NREP: variants seen among roughly 807,000 people sequenced by gnomAD.
NREP encodes the protein neuronal regeneration-related protein.
Under a neutral mutation model 8.6 loss-of-function variants are expected in NREP, and 5 were observed. The observed-to-expected ratio is 0.58, with a 90% CI of 0.30 to 1.22. The LOEUF is 1.22. Ranked by LOEUF, NREP falls within the 50% of genes most tolerant of loss-of-function variation. NREP has a pLI of 0.07. For missense variants in NREP, 86 were observed against 82.5 expected, an observed-to-expected ratio of 1.04 and a Z score of -0.17; for synonymous variants, 27 against 28.0, an observed-to-expected ratio of 0.96 and a Z score of 0.11.
exon 2 of NREP, chr5:111,975,364 A>G: frequency 6.4e-7 from 1 of 1,551,608 alleles, no homozygotes; most frequent in Non-Finnish European, 8.7e-7. Flanking sequence ...TTCGTGTTTC[A>G]TCTTCTCTTC....
intron 2 of NREP, among the ~76,000 whole-genome samples, chr5:111,811,598 C>G (rs111804428): frequency 4.6e-5 from 7 of 152,296 alleles, no homozygotes; most frequent in Non-Finnish European, 1.0e-4. Context: ...ACAAACTCAT[C>G]AAGTCCAGAA....
Position 111,735,497 on chromosome 5 carries a change from G to C in NREP, c.14C>G (p.Pro5Arg), listed in dbSNP as rs1434991617. MVYY[P>R]ELFVWVSQEP... The stretch of plus-strand genomic sequence containing the variant: ...TTGACTGACCCAGACAAAGAGTTCT[G>C]GGTAATAAACCTATAGAGACACAAA... The change falls in exon 3 of 4, where the codon CCA becomes CGA. Residue 5 changes from proline (P) to arginine (R), a missense_variant. Physicochemically the swap from Pro to Arg is moderately radical, Grantham distance 103 (BLOSUM62 -2). Transcript: ENST00000257435. The C allele has an allele frequency of 6.8e-6, 11 of 1,611,670 alleles. No individual in the cohort carries two copies. The highest frequency in any genetic ancestry group is 9.3e-6 in the Non-Finnish European group (11 of 1,178,368).
rs547894641 is a variant in NREP at position 111,781,597 on chromosome 5, C to T, written c.136-46090G>A. 3.9e-5 allele frequency among the ~76,000 whole-genome samples: 6 copies of T among 152,192 alleles called. No individual in the cohort carries two copies. In the East Asian group the frequency reaches 1.2e-3, roughly 29 times the overall value. Reference sequence around the variant, plus strand: ...AATGGTAAATAATTATTGCTTTAAGCCTCCACAGTTTAGGATAATTTGTTA... The same window carrying T: ...AATGGTAAATAATTATTGCTTTAAGTCTCCACAGTTTAGGATAATTTGTTA... On this transcript the variant is annotated intron_variant, in intron 2 of 3. Transcript: ENST00000395634.
At chr5:111,887,197 T>A (rs972641195) in intron 2 of NREP, among the ~76,000 whole-genome samples, 1 of 152,084 alleles carries the variant, frequency 6.6e-6, no homozygotes. Context: ...GTGCTGAGAT[T>A]ACAGGTGTAA....
At chr5:111,869,829 G>C (rs1753748958) in intron 2 of NREP, among the ~76,000 whole-genome samples, 1 of 152,104 alleles carries the variant, frequency 6.6e-6, no homozygotes, top group Non-Finnish European at 1.5e-5. Context: ...AAAGAGGAGG[G>C]ACCAGCCTAA....
chr5:111,852,158 G>A (rs971204856), intron 2 of NREP, among the ~76,000 whole-genome samples: 6 of 152,176 alleles, frequency 3.9e-5, no homozygotes, highest in Non-Finnish European at 8.8e-5. Context: ...GAGTTCTAGA[G>A]ATCACCTTAG....
At chr5:111,757,743 G>A (rs1026255585), upstream of NREP, 4 of 984,094 alleles carry the variant, frequency 4.1e-6, no homozygotes, top group East Asian at 3.4e-4. Flanking sequence ...CCGGGAGCAC[G>A]GCGCGCGCAA....
At chr5:111,903,340 C>A (rs1222199505) in intron 2 of NREP, among the ~76,000 whole-genome samples, 1 of 152,052 alleles carries the variant, frequency 6.6e-6, no homozygotes, top group Admixed American at 6.6e-5. Flanking sequence ...CTGCCTTGGC[C>A]TCCCAAAGTG....
chr5:111,927,230 T>C (rs1561350870), intron 2 of NREP, among the ~76,000 whole-genome samples: 1 of 152,088 alleles, frequency 6.6e-6, no homozygotes, highest in Non-Finnish European at 1.5e-5. Context: ...TCTAACACAA[T>C]AGCTATTACT....
intron 2 of NREP, among the ~76,000 whole-genome samples, chr5:111,859,945 A>G (rs779321554): frequency 2.0e-5 from 3 of 152,044 alleles, no homozygotes; most frequent in Non-Finnish European, 4.4e-5. Context: ...GCTCACCCAA[A>G]TTTCTTTCAG....
upstream of NREP, chr5:111,758,325 T>G: frequency 2.2e-6 from 2 of 892,420 alleles, no homozygotes; most frequent in Non-Finnish European, 2.7e-6. Flanking sequence ...TCCTTCCCTA[T>G]ACGCTCCCCC....
At chr5:111,832,286 G>C (rs1752787668) in intron 2 of NREP, among the ~76,000 whole-genome samples, 1 of 152,114 alleles carries the variant, frequency 6.6e-6, no homozygotes, top group African/African-American at 2.4e-5. Context: ...GGGAGGCCGA[G>C]GCAGGCAGAT....
chr5:111,757,398 G>C, upstream of NREP: 1 of 972,094 alleles, frequency 1.0e-6, no homozygotes, highest in Non-Finnish European at 1.2e-6. Context: ...CTCTCCAAGA[G>C]TGTGTGTGTC....
chr5:111,782,008 T>C (rs1751505278), intron 2 of NREP, among the ~76,000 whole-genome samples: 1 of 152,228 alleles, frequency 6.6e-6, no homozygotes, highest in Non-Finnish European at 1.5e-5. Flanking sequence ...ATGTTTATAA[T>C]GATAAGGATT....
chr5:111,827,379 C>T (rs1385630677), intron 2 of NREP, among the ~76,000 whole-genome samples: 1 of 152,180 alleles, frequency 6.6e-6, no homozygotes, highest in East Asian at 1.9e-4. Context: ...AGTTCCACTT[C>T]ATTAATACTT....
chr5:111,818,601 C>G (rs1232708430), intron 2 of NREP, among the ~76,000 whole-genome samples: 3 of 152,174 alleles, frequency 2.0e-5, no homozygotes, highest in Non-Finnish European at 4.4e-5. Flanking sequence ...TTGCATGACT[C>G]TGAAGAAGAG....
At chr5:111,756,890 A>G (rs914637909) in intron 1 of NREP, among the ~76,000 whole-genome samples, 1 of 152,210 alleles carries the variant, frequency 6.6e-6, no homozygotes, top group Non-Finnish European at 1.5e-5. Flanking sequence ...ACCCCTTCCC[A>G]AAAGAATTCA....
intron 2 of NREP, among the ~76,000 whole-genome samples, chr5:111,943,084 C>A (rs993153228): frequency 1.3e-5 from 2 of 152,068 alleles, no homozygotes; most frequent in Non-Finnish European, 2.9e-5. Context: ...GTCCTCTTTC[C>A]TTTTTTCCAT....
chr5:111,943,578 A>C (rs1346238430), intron 2 of NREP, among the ~76,000 whole-genome samples: 3 of 152,102 alleles, frequency 2.0e-5, no homozygotes, highest in African/African-American at 7.2e-5. Flanking sequence ...CAGTGCAGAC[A>C]AATCTGAATT....
Sources: allele counts gnomAD v4.1 joint callset (sites outside exome capture counted in the v4.1 genomes callset), GRCh38; gene constraint gnomAD v4.1.1; transcripts MANE v1.5; gene names NCBI Gene and HGNC (gene_info 2026-07-23, HGNC 2026-07-21).